The following TNFRSF10A variants were observed in gnomAD, a reference collection of about 807,000 sequenced individuals.
The protein encoded by TNFRSF10A is tumor necrosis factor receptor superfamily member 10A.
In TNFRSF10A, 44 loss-of-function variants were observed where a neutral mutation model predicts 42.8. The ratio of observed to expected loss-of-function variants is 1.03; its 90% CI spans 0.81 to 1.32. The LOEUF is 1.32. Among genes scored for constraint, TNFRSF10A ranks in the 40% most tolerant of loss-of-function variants. The pLI is 0.00. For synonymous variants in TNFRSF10A, 259 were observed against 234.2 expected (o/e 1.11, Z -0.97); for missense variants, 680 against 602.0 (o/e 1.13, Z -1.36).
rs1169896607 is a variant in TNFRSF10A at position 23,190,530 on chromosome 8, A to T, written c.*1164T>A. ...GCTGCCCACTGCCCCCGCCAAAAAAAAGTACTTTTATATACAAAAGTCCAA... is the reference window on the plus strand; with the variant it reads ...GCTGCCCACTGCCCCCGCCAAAAAATAGTACTTTTATATACAAAAGTCCAA... On this transcript the variant is annotated 3_prime_UTR_variant, in exon 10 of 10. Transcript: ENST00000221132. 6.6e-6 allele frequency: 1 copy of T among 152,246 alleles called. No individual in the cohort carries two copies. Among genetic ancestry groups the T allele is most frequent in the Non-Finnish European group, 1.5e-5 (1 of 68,042 alleles). The allele number at this position is 152,246 out of a possible 1,614,324, so 9.4% of individuals were successfully genotyped here.
At chr8:23,201,949 G>C (rs1800934472) in intron 3 of TNFRSF10A, 30 bp from the exon 4 acceptor site, 1 of 1,596,046 alleles carries the variant, frequency 6.3e-7, no homozygotes, top group Non-Finnish European at 8.6e-7. Flanking sequence ...TTTTGGGAAT[G>C]TGTTTCCCTG....
chr8:23,217,975 G>C (rs4872085), intron 1 of TNFRSF10A, among the ~76,000 whole-genome samples: 52,732 of 151,996 alleles, frequency 0.35, 10,263 homozygotes, highest in Middle Eastern at 0.47. Flanking sequence ...GTCCACACAG[G>C]CAGGTTCCTA....
intron 9 of TNFRSF10A, among the ~76,000 whole-genome samples, chr8:23,196,575 C>T (rs1401361239): frequency 1.3e-5 from 2 of 152,292 alleles, no homozygotes; most frequent in African/African-American, 2.4e-5. Context: ...ACTGAGCTCC[C>T]ATCTCCTTGC....
intron 6 of TNFRSF10A, 83 bp from the exon 7 acceptor site, chr8:23,200,000 G>T: frequency 6.5e-7 from 1 of 1,543,918 alleles, no homozygotes; most frequent in Non-Finnish European, 8.9e-7. Context: ...GGGCAGGGGT[G>T]GGCTGGGGGC....
intron 2 of TNFRSF10A, among the ~76,000 whole-genome samples, chr8:23,205,072 T>G (rs933695356): frequency 1.3e-5 from 2 of 151,746 alleles, no homozygotes; most frequent in Admixed American, 6.6e-5. Flanking sequence ...TAATACAGAT[T>G]AGAGCAGAAA....
Position 23,224,845 on chromosome 8 carries a change from C to G in TNFRSF10A, c.217G>C (p.Ala73Pro), listed in dbSNP as rs1352687724. The G allele has an allele frequency of 6.4e-7, 1 of 1,565,728 alleles. No individual in the cohort carries two copies. Among genetic ancestry groups the G allele is most frequent in the Non-Finnish European group, 8.7e-7 (1 of 1,155,436 alleles). ...GPSARARAGR[A>P]PGPRPAREAS... is the part of the protein sequence containing the mutation. ...TCCCGCGCCGGCCTGGGTCCTGGGG[C>G]GCGCCCTGCCCGGGCCCGGGCACTG... The change falls in exon 1 of 10, where the codon GCC becomes CCC. Residue 73 changes from alanine to proline, a missense_variant. Ala to Pro is a conservative substitution (Grantham distance 27, BLOSUM62 -1). Transcript: ENST00000221132.
intron 1 of TNFRSF10A, among the ~76,000 whole-genome samples, chr8:23,223,821 C>T (rs991920183): frequency 6.6e-6 from 1 of 152,198 alleles, no homozygotes; most frequent in Non-Finnish European, 1.5e-5. Flanking sequence ...TCACAGGAAA[C>T]GCTGCCTCCT....
chr8:23,197,271 C>G, intron 8 of TNFRSF10A, 67 bp from the exon 9 acceptor site: 2 of 1,588,740 alleles, frequency 1.3e-6, no homozygotes, highest in Non-Finnish European at 8.6e-7. Flanking sequence ...CTGACTCTGA[C>G]CATCAGCCAG....
chr8:23,212,429 A>G (rs1021572533), intron 1 of TNFRSF10A, among the ~76,000 whole-genome samples: 2 of 152,190 alleles, frequency 1.3e-5, no homozygotes, highest in African/African-American at 4.8e-5. Flanking sequence ...TGTTTCTATG[A>G]ATTTAACTAC....
intron 9 of TNFRSF10A, among the ~76,000 whole-genome samples, chr8:23,196,793 C>T (rs528087093): frequency 6.6e-6 from 1 of 152,312 alleles, no homozygotes; most frequent in East Asian, 1.9e-4. Context: ...GGCTTAGGCA[C>T]AGATAAAGAG....
In TNFRSF10A at chr8:23,190,476, A is replaced by T. The variant is rs973815631; in HGVS notation, c.*1218T>A. On this transcript the variant is annotated 3_prime_UTR_variant, in exon 10 of 10. Transcript: ENST00000221132. ...CTTTTAACCAAATCTTTGCATAGGT[A>T]CCAAATAACACATTTGTTTAGGATG... 6.6e-6 allele frequency: 1 copy of T among 152,204 alleles called. No individual in the cohort carries two copies. Among genetic ancestry groups the T allele is most frequent in the Non-Finnish European group, 1.5e-5 (1 of 68,036 alleles). The allele number at this position is 152,204 out of a possible 1,614,324, so 9.4% of individuals were successfully genotyped here.
At chr8:23,216,878 T>TTGAGATCAGAGAACATATTTTATA (rs1432086612) in intron 1 of TNFRSF10A, among the ~76,000 whole-genome samples, 1 of 152,368 alleles carries the variant, frequency 6.6e-6, no homozygotes, top group East Asian at 1.9e-4. Context: ...TTTAATTTCA[T>TTGAGATCAGAGAACATATTTTATA]TGAGATCAGA....
Position 23,202,362 on chromosome 8 carries a change from A to G in TNFRSF10A, c.517+286T>C, listed in dbSNP as rs112096303. Among the ~76,000 whole-genome samples, 979 of 152,168 alleles carry G rather than the reference A, an allele frequency of 6.4e-3. 20 individuals carry two copies. The highest frequency in any genetic ancestry group is 0.022 in the African/African-American group (925 of 41,504). ...CAGGGGGAGCGTGGCCCCAGAGCAG[A>G]CCCGTACCACCGCTGAAACTCAGCC... is the stretch of plus-strand genomic sequence containing the variant. On this transcript the variant is annotated intron_variant, in intron 3 of 9. Transcript: ENST00000221132.
intron 8 of TNFRSF10A, 117 bp downstream of exon 8, chr8:23,199,149 C>T: frequency 7.7e-7 from 1 of 1,299,096 alleles, no homozygotes; most frequent in Non-Finnish European, 1.0e-6. Context: ...TCCCACGCAG[C>T]CCCGTCCCCT....
At chr8:23,201,777 G>A in intron 4 of TNFRSF10A, 31 bp downstream of exon 4, 1 of 1,598,958 alleles carries the variant, frequency 6.3e-7, no homozygotes, top group African/African-American at 1.3e-5. Flanking sequence ...GTTCTTTGAG[G>A]CTGCTGGGAG....
intron 1 of TNFRSF10A, among the ~76,000 whole-genome samples, chr8:23,214,377 A>G (rs1450593440): frequency 1.3e-5 from 2 of 151,948 alleles, no homozygotes; most frequent in Non-Finnish European, 2.9e-5. Flanking sequence ...AGTCCCAGCT[A>G]CACGGGAGGC....
chr8:23,219,313 G>T (rs1313507063), intron 1 of TNFRSF10A, among the ~76,000 whole-genome samples: 2 of 149,854 alleles, frequency 1.3e-5, no homozygotes, highest in Non-Finnish European at 3.0e-5. Flanking sequence ...GCCCAGTGGT[G>T]GCCTCAGCTC....
intron 1 of TNFRSF10A, among the ~76,000 whole-genome samples, chr8:23,216,838 G>C (rs1467898506): frequency 6.6e-6 from 1 of 152,054 alleles, no homozygotes; most frequent in Non-Finnish European, 1.5e-5. Flanking sequence ...CATTTTTGGA[G>C]TCCTTCTAGA....
At chr8:23,195,010 G>A (rs1800802686) in intron 9 of TNFRSF10A, among the ~76,000 whole-genome samples, 1 of 152,030 alleles carries the variant, frequency 6.6e-6, no homozygotes, top group Non-Finnish European at 1.5e-5. Flanking sequence ...AATACAAAAA[G>A]TACCCAGATG....
Sources: gnomAD v4.1 joint callset for allele counts (sites outside exome capture counted in the v4.1 genomes callset) on GRCh38, gnomAD v4.1.1 for gene constraint, MANE v1.5 for transcripts, NCBI Gene and HGNC (gene_info 2026-07-23, HGNC 2026-07-21) for gene names.